EYS: variants seen among roughly 807,000 people sequenced by gnomAD.
EYS encodes protein eyes shut homolog.
EYS carries 250 observed loss-of-function variants against 282.1 expected under a neutral mutation model. The observed-to-expected ratio is 0.89, with a 90% CI of 0.80 to 0.98. The LOEUF is 0.98. Ranked by LOEUF, EYS falls within the 50% of genes least tolerant of loss-of-function variation. The pLI is 0.00. For missense variants in EYS, 4,016 were observed against 3,709.0 expected, an observed-to-expected ratio of 1.08 and a Z score of -2.15; for synonymous variants, 1,355 against 1,282.9, an observed-to-expected ratio of 1.06 and a Z score of -1.20.
intron 33 of EYS, among the ~76,000 whole-genome samples, chr6:64,023,972 C>T (rs932562359): frequency 2.6e-4 from 40 of 152,196 alleles, no homozygotes; most frequent in African/African-American, 6.5e-4. Context: ...TGCCTTCCCG[C>T]GGGGCAGGGC....
chr6:64,806,814 A>G (rs1301710775), intron 22 of EYS, among the ~76,000 whole-genome samples: 2 of 151,840 alleles, frequency 1.3e-5, no homozygotes, highest in Non-Finnish European at 2.9e-5. Context: ...AGAGAGCACT[A>G]TGGAAAAAAA....
chr6:65,411,815 CTTT>C (rs199628455), intron 5 of EYS, among the ~76,000 whole-genome samples: 1 of 136,798 alleles, frequency 7.3e-6, no homozygotes, highest in South Asian at 2.3e-4. Context: ...ACCAATACGT[CTTT>C]TTTTTTTTTT....
chr6:65,181,380 A>G (rs1322078213), intron 12 of EYS, among the ~76,000 whole-genome samples: 1 of 152,150 alleles, frequency 6.6e-6, no homozygotes, highest in Non-Finnish European at 1.5e-5. Context: ...AAACAACCCT[A>G]TCAAAAAATG....
At chr6:64,806,859 A>G (rs1204455198) in intron 22 of EYS, among the ~76,000 whole-genome samples, 1 of 152,140 alleles carries the variant, frequency 6.6e-6, no homozygotes, top group Non-Finnish European at 1.5e-5. Flanking sequence ...TATTAAAAAC[A>G]AACCATCTTT....
At chr6:65,180,426 A>G (rs1459847751) in intron 12 of EYS, among the ~76,000 whole-genome samples, 2 of 152,112 alleles carry the variant, frequency 1.3e-5, no homozygotes, top group African/African-American at 4.8e-5. Context: ...ACAAACAGAG[A>G]GCCAAATCAT....
chr6:65,009,323 G>A (rs1171759608), intron 13 of EYS, among the ~76,000 whole-genome samples: 1 of 152,068 alleles, frequency 6.6e-6, no homozygotes, highest in South Asian at 2.1e-4. Flanking sequence ...TCCAATTTTA[G>A]GAGTAAAGAA....
intron 26 of EYS, among the ~76,000 whole-genome samples, chr6:64,544,473 G>T (rs905136006): frequency 1.3e-4 from 20 of 152,118 alleles, no homozygotes; most frequent in African/African-American, 4.1e-4. Context: ...AAGGAAAATT[G>T]TGGTGTCACT....
chr6:63,795,031 T>C (rs530516991), intron 37 of EYS, among the ~76,000 whole-genome samples: 1 of 152,126 alleles, frequency 6.6e-6, no homozygotes, highest in Admixed American at 6.5e-5. Context: ...GTTAAGCATA[T>C]CAAGATCTGG....
At chr6:64,805,659 G>C (rs1176905278) in intron 22 of EYS, among the ~76,000 whole-genome samples, 1 of 151,132 alleles carries the variant, frequency 6.6e-6, no homozygotes, top group Non-Finnish European at 1.5e-5. Flanking sequence ...TTATGCAAAA[G>C]CTGGAACTAT....
At position 64,617,442 on chromosome 6, in the gene EYS, T is replaced by C. The variant is rs1323187382; in HGVS notation, c.3660A>G (p.Thr1220=). 4 of 1,550,244 alleles carry C rather than the reference T, an allele frequency of 2.6e-6. No homozygotes were observed. Among genetic ancestry groups the C allele is most frequent in the Middle Eastern group, 1.7e-4 (1 of 5,980 alleles). ...CCATAAATCCAGGTGTGCATAAACA[T>C]GTCGAGCCAGGTTCATTCTCCATGC... The part of the protein sequence containing the change: ...ELCMENEPGS[T]CLCTPGFMTC... The change falls in exon 24 of 43, where the codon ACA becomes ACG. Residue 1220 remains threonine, a synonymous_variant. Coordinates refer to ENST00000503581, the MANE Select transcript of EYS (RefSeq NM_001142800.2).
chr6:65,086,665 T>G, intron 12 of EYS, among the ~76,000 whole-genome samples: 1 of 152,130 alleles, frequency 6.6e-6, no homozygotes, highest in East Asian at 1.9e-4. Flanking sequence ...TCAGTGGAAT[T>G]AGTTCACAGA....
chr6:64,680,431 C>T (rs761665722), intron 22 of EYS, among the ~76,000 whole-genome samples: 10 of 152,190 alleles, frequency 6.6e-5, no homozygotes, highest in Non-Finnish European at 1.3e-4. Context: ...GACACTTGAA[C>T]CACAACCCAT....
At chr6:65,443,190 T>C (rs1233211222) in intron 5 of EYS, among the ~76,000 whole-genome samples, 1 of 151,792 alleles carries the variant, frequency 6.6e-6, no homozygotes, top group Non-Finnish European at 1.5e-5. Flanking sequence ...ATCATATACA[T>C]ATGTGCGCAC....
At chr6:63,886,080 G>A (rs368894) in intron 35 of EYS, among the ~76,000 whole-genome samples, 73,663 of 152,056 alleles carry the variant, frequency 0.48, 19,720 homozygotes, top group Non-Finnish European at 0.59. Context: ...GGTAGTTAGG[G>A]TAAGAATGGG....
chr6:64,142,214 G>T (rs2150288791), intron 31 of EYS, among the ~76,000 whole-genome samples: 1 of 152,138 alleles, frequency 6.6e-6, no homozygotes, highest in South Asian at 2.1e-4. Flanking sequence ...GATACTTGAA[G>T]AGTATCCAAT....
At chr6:65,586,354 T>C (rs1246216696) in intron 2 of EYS, among the ~76,000 whole-genome samples, 1 of 152,012 alleles carries the variant, frequency 6.6e-6, no homozygotes, top group Non-Finnish European at 1.5e-5. Flanking sequence ...AAAACTAAAA[T>C]TGAAATTTAG....
intron 12 of EYS, among the ~76,000 whole-genome samples, chr6:65,171,077 C>G (rs979629477): frequency 6.6e-6 from 1 of 151,484 alleles, no homozygotes; most frequent in African/African-American, 2.4e-5. Context: ...AGAAGCTGCA[C>G]AGCCTGTGTA....
intron 12 of EYS, among the ~76,000 whole-genome samples, chr6:65,253,284 G>A (rs1160388511): frequency 6.6e-6 from 1 of 151,904 alleles, no homozygotes; most frequent in African/African-American, 2.4e-5. Context: ...TGCCAGAAAG[G>A]CTTTGAAATA....
chr6:64,790,418 C>A (rs1382371004), intron 22 of EYS, among the ~76,000 whole-genome samples: 1 of 151,620 alleles, frequency 6.6e-6, no homozygotes, highest in Non-Finnish European at 1.5e-5. Context: ...ATTATGAATT[C>A]AGTTAGTTCA....
Sources: allele counts gnomAD v4.1 joint callset (sites outside exome capture counted in the v4.1 genomes callset), GRCh38; gene constraint gnomAD v4.1.1; transcripts MANE v1.5; gene names NCBI Gene and HGNC (gene_info 2026-07-23, HGNC 2026-07-21).